Variants in NBEA observed in about 807,000 individuals in gnomAD.
NBEA encodes lysosomal-trafficking regulator 2.
A neutral mutation model predicts 343.4 loss-of-function variants in NBEA; 44 were observed. The observed-to-expected ratio is 0.13, with a 90% CI of 0.10 to 0.16. NBEA has a LOEUF of 0.16. NBEA is among the 10% of genes least tolerant of loss of function. NBEA has a pLI of 1.00. For missense variants in NBEA, 2,555 were observed against 3,631.3 expected, an observed-to-expected ratio of 0.70 and a Z score of 7.62; for synonymous variants, 1,175 against 1,238.7, an observed-to-expected ratio of 0.95 and a Z score of 1.08.
chr13:35,050,994 G>A (rs1011096519), intron 6 of NBEA, among the ~76,000 whole-genome samples: 16 of 151,964 alleles, frequency 1.1e-4, no homozygotes, highest in African/African-American at 3.9e-4. Flanking sequence ...AAGAGAAAAT[G>A]CAGAGAACTG....
At chr13:35,471,874 G>A (rs999946075) in intron 40 of NBEA, among the ~76,000 whole-genome samples, 14 of 149,314 alleles carry the variant, frequency 9.4e-5, no homozygotes, top group Admixed American at 4.7e-4. Flanking sequence ...TTAGGAGACC[G>A]ATATTAGATT....
At chr13:35,549,953 G>A (rs1480314297) in intron 41 of NBEA, among the ~76,000 whole-genome samples, 1 of 152,124 alleles carries the variant, frequency 6.6e-6, no homozygotes, top group Non-Finnish European at 1.5e-5. Flanking sequence ...CTCCTTTCAT[G>A]TTACAATGGC....
intron 44 of NBEA, among the ~76,000 whole-genome samples, chr13:35,562,780 A>T (rs2079921781): frequency 6.6e-6 from 1 of 152,096 alleles, no homozygotes; most frequent in South Asian, 2.1e-4. Flanking sequence ...GCACAGGAAC[A>T]TCGCTCTTAA....
chr13:35,281,911 GTTATTTAT>G (rs938545745), intron 34 of NBEA, among the ~76,000 whole-genome samples: 5 of 151,628 alleles, frequency 3.3e-5, no homozygotes, highest in African/African-American at 4.8e-5. Flanking sequence ...TATAAATTAT[GTTATTTAT>G]TTATTTATTT....
At chr13:35,250,435 T>C (rs2031816485) in intron 34 of NBEA, among the ~76,000 whole-genome samples, 1 of 152,082 alleles carries the variant, frequency 6.6e-6, no homozygotes, top group Non-Finnish European at 1.5e-5. Context: ...TAAAAAAAAG[T>C]CAACCTCATT....
intron 39 of NBEA, among the ~76,000 whole-genome samples, chr13:35,441,731 A>T (rs899702242): frequency 2.6e-5 from 4 of 152,018 alleles, no homozygotes; most frequent in African/African-American, 9.7e-5. Context: ...GTCTTAGTGC[A>T]TATGCTATCT....
At chr13:35,094,588 A>G (rs2065240926) in intron 10 of NBEA, among the ~76,000 whole-genome samples, 1 of 151,894 alleles carries the variant, frequency 6.6e-6, no homozygotes, top group Non-Finnish European at 1.5e-5. Flanking sequence ...TTTGTGTGTC[A>G]CCGAAAATTA....
In NBEA at chr13:35,322,770, C is replaced by G. The variant is rs926035315; in HGVS notation, c.5903+13178C>G. ...TAAATAAAATGTTATTTATCTAAAA[C>G]TAAAGTCCCATTTAATAATGGTTAG... On this transcript the variant is annotated intron_variant, in intron 36 of 58. Coordinates refer to ENST00000379939, the MANE Select transcript of NBEA (RefSeq NM_001385012.1). Among the ~76,000 whole-genome samples the G allele has an allele frequency of 7.2e-5, 11 of 152,060 alleles. 1 individual carries two copies. Among genetic ancestry groups the G allele is most frequent in the Non-Finnish European group, 1.5e-4 (10 of 68,020 alleles).
intron 41 of NBEA, among the ~76,000 whole-genome samples, chr13:35,505,229 T>TA (rs754936689): frequency 1.3e-5 from 2 of 152,038 alleles, no homozygotes; most frequent in Non-Finnish European, 2.9e-5. Context: ...ACTGGCTTTT[T>TA]AAAAAAAATT....
intron 6 of NBEA, among the ~76,000 whole-genome samples, chr13:35,055,690 T>TG (rs2063229241): frequency 6.6e-6 from 1 of 152,174 alleles, no homozygotes; most frequent in Admixed American, 6.6e-5. Context: ...GTATCTGCAG[T>TG]GCTTGGCACA....
chr13:34,956,684 T>C (rs2059502868), intron 1 of NBEA, among the ~76,000 whole-genome samples: 1 of 152,200 alleles, frequency 6.6e-6, no homozygotes, highest in Non-Finnish European at 1.5e-5. Context: ...CTTCTGGTTA[T>C]TTTGAAGTAC....
chr13:35,537,553 C>T (rs987768644), intron 41 of NBEA, among the ~76,000 whole-genome samples: 9 of 152,008 alleles, frequency 5.9e-5, no homozygotes, highest in Admixed American at 2.6e-4. Flanking sequence ...ATTACATTTG[C>T]GGTAAGTGCT....
chr13:35,471,382 T>G (rs754451132), intron 40 of NBEA, among the ~76,000 whole-genome samples: 1 of 152,144 alleles, frequency 6.6e-6, no homozygotes, highest in African/African-American at 2.4e-5. Flanking sequence ...CCGACTGTTA[T>G]TGTGACGCAT....
chr13:35,001,128 A>C (rs953666610), intron 1 of NBEA, among the ~76,000 whole-genome samples: 5 of 152,048 alleles, frequency 3.3e-5, no homozygotes, highest in Non-Finnish European at 7.4e-5. Context: ...AATCTTTTCA[A>C]ACTTCTATTA....
chr13:35,460,104 A>C (rs1390295588), intron 40 of NBEA, among the ~76,000 whole-genome samples: 3 of 152,150 alleles, frequency 2.0e-5, no homozygotes, highest in Non-Finnish European at 4.4e-5. Flanking sequence ...ATTCAACCTG[A>C]TACTTGTATT....
intron 39 of NBEA, among the ~76,000 whole-genome samples, chr13:35,437,719 A>G (rs2045517149): frequency 1.3e-5 from 2 of 152,330 alleles, no homozygotes; most frequent in Admixed American, 1.3e-4. Context: ...GCAATGGAAC[A>G]GTATAAGGAA....
chr13:35,346,648 A>G (rs975796275), intron 36 of NBEA, among the ~76,000 whole-genome samples: 9 of 152,098 alleles, frequency 5.9e-5, no homozygotes, highest in East Asian at 1.9e-4. Flanking sequence ...GAATGTGTCT[A>G]TGTCCCCCTC....
rs573011262 is a variant in NBEA at position 34,955,422 on chromosome 13, G to A, written c.294+12308G>A. Among the ~76,000 whole-genome samples the A allele has an allele frequency of 1.1e-4, 16 of 152,228 alleles. No homozygotes were observed. The South Asian group carries it at 1.5e-3, about 14-fold the overall frequency. ...AATTATAATGGATGAAAGTGATATT[G>A]TAGAGATAGAAACAAAGTGCTGTGG... is the stretch of plus-strand genomic sequence containing the variant. On this transcript the variant is annotated intron_variant, in intron 1 of 58. Coordinates refer to ENST00000379939, the MANE Select transcript of NBEA (RefSeq NM_001385012.1).
At chr13:35,577,890 T>C (rs2080822393) in intron 45 of NBEA, among the ~76,000 whole-genome samples, 1 of 152,080 alleles carries the variant, frequency 6.6e-6, no homozygotes, top group Non-Finnish European at 1.5e-5. Context: ...GTTCCTTAGA[T>C]AAAAAGGGAG....
Sources: gnomAD v4.1 joint callset for allele counts (sites outside exome capture counted in the v4.1 genomes callset) on GRCh38, gnomAD v4.1.1 for gene constraint, MANE v1.5 for transcripts, NCBI Gene and HGNC (gene_info 2026-07-23, HGNC 2026-07-21) for gene names.